UNC13A: variants seen among roughly 807,000 people sequenced by gnomAD.
UNC13A encodes protein unc-13 homolog A.
In UNC13A, 61 loss-of-function variants were observed where a neutral mutation model predicts 219.7. The observed-to-expected ratio is 0.28, with a 90% confidence interval of 0.23 to 0.34. UNC13A has a LOEUF of 0.34. Among genes scored for constraint, UNC13A ranks in the 10% least tolerant of loss-of-function variants. The pLI, the probability that UNC13A is intolerant of heterozygous loss-of-function variation, is 1.00. For synonymous variants in UNC13A, 920 were observed against 884.6 expected, an observed-to-expected ratio of 1.04 and a Z score of -0.71; for missense variants, 1,476 against 2,270.3, an observed-to-expected ratio of 0.65 and a Z score of 7.11.
chr19:17,651,549 T>C (rs1290585688), intron 12 of UNC13A, among the ~76,000 whole-genome samples: 1 of 152,118 alleles, frequency 6.6e-6, no homozygotes, highest in African/African-American at 2.4e-5. Context: ...CACTGGCCAG[T>C]GAGATAGGTG....
chr19:17,606,441 A>C, intron 43 of UNC13A, 87 bp from the exon 44 acceptor site: 1 of 1,481,226 alleles, frequency 6.8e-7, no homozygotes. Context: ...TTTGCGGGCC[A>C]CGCCCACACC....
Position 17,633,189 on chromosome 19 carries a change from G to T in UNC13A, c.3220C>A (p.Pro1074Thr). The T allele has an allele frequency of 6.2e-7, 1 of 1,614,098 alleles. No homozygotes were observed. The highest frequency in any genetic ancestry group is 8.5e-7 in the Non-Finnish European group (1 of 1,179,990). Reference sequence around the variant, plus strand: ...ATTTTACCCACATTCAGCTCCTGGGGAAACCTGGCAAAGTCATGGAAGTAT... The same window carrying T: ...ATTTTACCCACATTCAGCTCCTGGGTAAACCTGGCAAAGTCATGGAAGTAT... Reference protein sequence around the residue: ...NSYTPCLNQFPQELNVGKISA... With the variant: ...NSYTPCLNQFTQELNVGKISA... The change falls in exon 27 of 44, where the codon CCC becomes ACC. Residue 1074 changes from proline (P) to threonine (T), a missense_variant. By Grantham distance (38) the Pro-to-Thr change is conservative (BLOSUM62 -1). Transcript: ENST00000519716.
Position 17,610,091 on chromosome 19 carries a change from C to G in UNC13A, c.4660G>C (p.Ala1554Pro). ...EHKVTVKVVAANDLKWQTSGI... is the reference protein window; with the variant it reads ...EHKVTVKVVAPNDLKWQTSGI... ...GAAGTCTGCCACTTGAGGTCATTGGCAGCCACCACTGTTGGAGGAAGTAGA... is the reference window on the plus strand; with the variant it reads ...GAAGTCTGCCACTTGAGGTCATTGGGAGCCACCACTGTTGGAGGAAGTAGA... The change falls in exon 43 of 44, where the codon GCC (alanine) becomes CCC (proline). Residue 1554 changes from alanine (A) to proline (P), a missense_variant. By Grantham distance (27) the Ala-to-Pro change is conservative. Coordinates refer to ENST00000519716, the MANE Select transcript of UNC13A (RefSeq NM_001080421.3). The G allele has an allele frequency of 6.2e-7, 1 of 1,614,050 alleles. No individual in the cohort carries two copies.
chr19:17,683,660 AAAACAAAC>A (rs151027580), intron 1 of UNC13A, among the ~76,000 whole-genome samples: 1 of 151,956 alleles, frequency 6.6e-6, no homozygotes, highest in Non-Finnish European at 1.5e-5. Context: ...CGTGTCTCAA[AAAACAAAC>A]AAACAAACAA....
rs374831522 is a variant in UNC13A, at chr19:17,658,154, T to C, written c.675A>G (p.Gln225=). Residue 225 remains glutamine, a synonymous_variant, in exon 9 of 44, where the codon CAA becomes CAG. Coordinates refer to ENST00000519716, the MANE Select transcript of UNC13A (RefSeq NM_001080421.3). ...TTSQPNASVH[Q]YSVRPPPLGS... Reference sequence around the variant, plus strand: ...CCAGGGGTGGTGGGCGAACAGAATATTGGTGGACTGAGGCGTTGGGTTGTG... The same window carrying C: ...CCAGGGGTGGTGGGCGAACAGAATACTGGTGGACTGAGGCGTTGGGTTGTG... 6.8e-6 allele frequency: 11 copies of C among 1,613,760 alleles called. No homozygotes were observed. Among genetic ancestry groups the C allele is most frequent in the African/African-American group, 2.7e-5 (2 of 74,876 alleles).
intron 43 of UNC13A, 145 bp from the exon 44 acceptor site, chr19:17,606,499 G>C (rs2076532176): frequency 9.8e-6 from 12 of 1,222,202 alleles, no homozygotes; most frequent in Non-Finnish European, 1.3e-5. Flanking sequence ...CCCCGCCCCT[G>C]CCCCGTTACT....
intron 11 of UNC13A, among the ~76,000 whole-genome samples, chr19:17,653,540 G>A (rs1227842024): frequency 1.3e-5 from 2 of 151,932 alleles, no homozygotes; most frequent in Non-Finnish European, 2.9e-5. Context: ...GTAGAGGTGG[G>A]GTTTCACTAT....
intron 7 of UNC13A, among the ~76,000 whole-genome samples, chr19:17,665,549 C>T (rs558073953): frequency 7.9e-5 from 12 of 152,296 alleles, no homozygotes; most frequent in Non-Finnish European, 1.0e-4. Flanking sequence ...TCCCTCAGAC[C>T]TGGGTTCAAA....
At chr19:17,618,194 C>T (rs1283158124) in intron 40 of UNC13A, among the ~76,000 whole-genome samples, 2 of 152,252 alleles carry the variant, frequency 1.3e-5, no homozygotes, top group African/African-American at 4.8e-5. Flanking sequence ...CTACCCCAAG[C>T]CTAATCCTAC....
chr19:17,668,978 T>C (rs1243515383), intron 5 of UNC13A, among the ~76,000 whole-genome samples: 1 of 152,092 alleles, frequency 6.6e-6, no homozygotes, highest in African/African-American at 2.4e-5. Flanking sequence ...AACTTTTTCA[T>C]AGAGATGGGA....
At chr19:17,643,677 T>A (rs2076994464) in intron 19 of UNC13A, among the ~76,000 whole-genome samples, 2 of 152,132 alleles carry the variant, frequency 1.3e-5, no homozygotes, top group South Asian at 2.1e-4. Flanking sequence ...TAGGCTTGAG[T>A]CTCCCTGTTT....
chr19:17,626,758 GAC>G lies in UNC13A; in HGVS notation c.3946_3947del (p.Val1316GlnfsTer5). 2 of 1,612,436 alleles carry G rather than the reference GAC, an allele frequency of 1.2e-6. No individual in the cohort carries two copies. Among genetic ancestry groups the G allele is most frequent in the Non-Finnish European group, 1.7e-6 (2 of 1,179,200 alleles). On this transcript the variant is annotated frameshift_variant, in exon 34 of 44. Coordinates refer to ENST00000519716, the MANE Select transcript of UNC13A (RefSeq NM_001080421.3). LOFTEE classifies it high-confidence loss of function. ...GGCTAAGGATGTCACCCATCTGTTT[GAC>G]ACACTCTTCAATGTGCGGCTGGAAG... ...TSFQPHIEEC[V>X]KQMGDILSQV...
chr19:17,635,919 C>T (rs2076908632), intron 26 of UNC13A, 105 bp downstream of exon 26: 2 of 1,390,436 alleles, frequency 1.4e-6, no homozygotes, highest in East Asian at 2.4e-5. Flanking sequence ...CCCCCAGGTG[C>T]ACATTTGTGT....
rs1403990660 is a variant in UNC13A at position 17,674,621 on chromosome 19, C to T, written c.152+36G>A. 9 of 1,596,804 alleles carry T rather than the reference C, an allele frequency of 5.6e-6. No homozygotes were observed. The highest frequency in any genetic ancestry group is 6.9e-6 in the Non-Finnish European group (8 of 1,165,682). On this transcript the variant is annotated intron_variant, in intron 3 of 43. Transcript: ENST00000519716. This position sits in a 1 kb window ranked among gnomAD's most constrained non-coding sequence, Gnocchi z 5.0. ...GGGCCAGCGAGGTGCTGGGCTATGCCAGGGAGTGAGGTCATGCCAGACGCT... is the reference window on the plus strand; with the variant it reads ...GGGCCAGCGAGGTGCTGGGCTATGCTAGGGAGTGAGGTCATGCCAGACGCT...
In UNC13A at chr19:17,606,062, CAGG is replaced by C; in HGVS notation, c.5101_5103del (p.Pro1701del). 5.8e-6 allele frequency: 9 copies of C among 1,564,014 alleles called. No individual in the cohort carries two copies. The highest frequency in any genetic ancestry group is 7.8e-6 in the Non-Finnish European group (9 of 1,159,658). On this transcript the variant is annotated inframe_deletion, in exon 44 of 44. Coordinates refer to ENST00000519716, the MANE Select transcript of UNC13A (RefSeq NM_001080421.3). ...TCGGCCGACCGCCCGCGCTAAGGCG[CAGG>C]CGCGGCACCGCCCTCCTCGGCGGAG...
chr19:17,641,578 T>C, intron 20 of UNC13A, 22 bp from the exon 21 acceptor site: 1 of 1,612,730 alleles, frequency 6.2e-7, no homozygotes, highest in Non-Finnish European at 8.5e-7. Flanking sequence ...GGAGAGAAAG[T>C]GTCATGGAGA....
rs945297546 is a variant in UNC13A at position 17,649,176 on chromosome 19, G to A, written c.1524+163C>T. On this transcript the variant is annotated intron_variant, in intron 14 of 43. Coordinates refer to ENST00000519716, the MANE Select transcript of UNC13A (RefSeq NM_001080421.3). The surrounding 1 kb of genome is among the most constrained non-coding windows in gnomAD (Gnocchi z 4.4). ...GGTGACAGAGGCTTTGAGTTAGAAG[G>A]GACCCTGGAAAGTGAGCAGCCCCGC... is the stretch of plus-strand genomic sequence containing the variant. 6.6e-6 allele frequency among the ~76,000 whole-genome samples: 1 copy of A among 152,132 alleles called. No homozygotes were observed. The highest frequency in any genetic ancestry group is 1.5e-5 in the Non-Finnish European group (1 of 68,020).
chr19:17,681,860 C>T (rs1370264650), intron 1 of UNC13A, among the ~76,000 whole-genome samples: 1 of 152,100 alleles, frequency 6.6e-6, no homozygotes, highest in Non-Finnish European at 1.5e-5. Context: ...CTCCTCGGGC[C>T]CCAGAATGCA....
intron 6 of UNC13A, among the ~76,000 whole-genome samples, chr19:17,666,950 CAG>C (rs2079664685): frequency 1.3e-5 from 2 of 150,910 alleles, no homozygotes; most frequent in African/African-American, 4.9e-5. Context: ...AAGTAAGAAA[CAG>C]AGATAGAAAA....
Sources: gnomAD v4.1 joint callset for allele counts (sites outside exome capture counted in the v4.1 genomes callset) on GRCh38, gnomAD v4.1.1 for gene constraint, Gnocchi (gnomAD v3.1) non-coding constraint, MANE v1.5 for transcripts, NCBI Gene and HGNC (gene_info 2026-07-23, HGNC 2026-07-21) for gene names.